Variants in CASP4 observed in about 807,000 individuals in gnomAD.
The protein encoded by CASP4 is caspase 4.
In CASP4, 29 loss-of-function variants were observed where a neutral mutation model predicts 41.3. The observed-to-expected ratio is 0.70, with a 90% CI of 0.52 to 0.96. The LOEUF is 0.96. Among genes scored for constraint, CASP4 ranks in the 40% least tolerant of loss-of-function variants. CASP4 has a pLI of 0.00. For synonymous variants in CASP4, 185 were observed against 158.4 expected (o/e 1.17, Z -1.26); for missense variants, 447 against 460.6 (o/e 0.97, Z 0.27).
chr11:104,945,732 C>G (rs1180247747), intron 7 of CASP4, among the ~76,000 whole-genome samples: 1 of 152,164 alleles, frequency 6.6e-6, no homozygotes, highest in African/African-American at 2.4e-5. Context: ...TCCCACTTAT[C>G]CAAGAAGATT....
chr11:104,964,309 C>T, intron 1 of CASP4, among the ~76,000 whole-genome samples: 1 of 152,154 alleles, frequency 6.6e-6, no homozygotes, highest in East Asian at 1.9e-4. Context: ...TCATGAAGAG[C>T]TGATGTCTTA....
chr11:104,952,704 T>C (rs1277598843), intron 2 of CASP4, among the ~76,000 whole-genome samples: 2 of 152,098 alleles, frequency 1.3e-5, no homozygotes, highest in Non-Finnish European at 2.9e-5. Flanking sequence ...TTTTAGCAAC[T>C]TTACTGTTAA....
chr11:104,944,989 T>C, intron 7 of CASP4, 138 bp from the exon 8 acceptor site: 1 of 647,658 alleles, frequency 1.5e-6, no homozygotes, highest in South Asian at 1.8e-5. Flanking sequence ...GCATTCTAAC[T>C]CCTCAACATT....
intron 5 of CASP4, chr11:104,949,273 A>C (rs1462011636): frequency 2.8e-5 from 13 of 467,510 alleles, no homozygotes; most frequent in Non-Finnish European, 4.2e-5. Context: ...TCCATTCCAA[A>C]GTTTGAGTAT....
At chr11:104,943,332 A>G in intron 8 of CASP4, 1 of 230,404 alleles carries the variant, frequency 4.3e-6, no homozygotes, top group South Asian at 5.9e-5. Context: ...GTCTCATTGC[A>G]GTTCTTTAAA....
chr11:104,948,039 A>C (rs948263475), intron 6 of CASP4: 3 of 152,054 alleles, frequency 2.0e-5, no homozygotes, highest in African/African-American at 4.8e-5. Context: ...AATCAAAAAC[A>C]GTTAAATGTA....
In CASP4 at chr11:104,950,797, T is replaced by TAC. The variant is rs34213327; in HGVS notation, c.546+126_546+127dup. On this transcript the variant is annotated intron_variant, in intron 4 of 8. Transcript: ENST00000444739. ...ACCAGTCTAGTACTCTTATTTTGTA[T>TAC]ACACACACACACACACACACACACA... is the stretch of plus-strand genomic sequence containing the variant. 6.3e-3 allele frequency: 2,907 copies of TAC among 462,942 alleles called. 8 individuals are homozygous for TAC. The highest frequency in any genetic ancestry group is 0.011 in the South Asian group (274 of 24,930). 28.7% of individuals were successfully genotyped at this position (462,942 alleles called of 1,614,324 possible).
At chr11:104,952,927 A>G (rs1248611892) in intron 2 of CASP4, among the ~76,000 whole-genome samples, 1 of 152,206 alleles carries the variant, frequency 6.6e-6, no homozygotes, top group African/African-American at 2.4e-5. Context: ...ATGTGAAGAC[A>G]TGCTGGATCC....
chr11:104,956,674 A>G (rs1384998135), intron 1 of CASP4: 1 of 984,244 alleles, frequency 1.0e-6, no homozygotes, highest in Non-Finnish European at 1.2e-6. Flanking sequence ...GTGCATTCCA[A>G]CAGGTGAGAT....
rs1317512756 is a variant in CASP4, at chr11:104,951,581, A to G, written c.372+315T>C. The G allele has an allele frequency of 7.6e-6, 3 of 394,390 alleles. No homozygotes were observed. In the East Asian group the frequency reaches 1.6e-4, roughly 21 times the overall value. The allele number at this position is 394,390 out of a possible 1,614,324, so 24.4% of individuals were successfully genotyped here. A position where few individuals can be genotyped will look rare whatever the true frequency, so the allele number is the denominator to read the frequency against. Reference sequence around the variant, plus strand: ...GAGTGCAACCAATTACAAGTCAGCTATATTATCCTCCAAATATGTTTATTC... The same window carrying G: ...GAGTGCAACCAATTACAAGTCAGCTGTATTATCCTCCAAATATGTTTATTC... On this transcript the variant is annotated intron_variant, in intron 3 of 8. Coordinates refer to ENST00000444739, the MANE Select transcript of CASP4 (RefSeq NM_001225.4).
intron 1 of CASP4, among the ~76,000 whole-genome samples, chr11:104,959,172 T>C (rs1591133398): frequency 6.6e-6 from 1 of 152,014 alleles, no homozygotes; most frequent in Non-Finnish European, 1.5e-5. Flanking sequence ...AGCCAAGATA[T>C]AAAATCAACC....
intron 4 of CASP4, 74 bp downstream of exon 4, chr11:104,950,851 C>A: frequency 7.1e-7 from 1 of 1,406,230 alleles, no homozygotes; most frequent in Non-Finnish European, 9.8e-7. Context: ...TTGTTGAGCT[C>A]TTTGAAGCTA....
chr11:104,943,238 T>C, intron 8 of CASP4: 1 of 282,108 alleles, frequency 3.5e-6, no homozygotes, highest in Non-Finnish European at 7.0e-6. Context: ...TGTGATAACA[T>C]AGAACCACGC....
In CASP4 at chr11:104,949,623, A is replaced by T; in HGVS notation, c.701T>A (p.Ile234Asn). 1.2e-6 allele frequency: 2 copies of T among 1,613,986 alleles called. No homozygotes were observed. Among genetic ancestry groups the T allele is most frequent in the Non-Finnish European group, 1.7e-6 (2 of 1,179,906 alleles). ...GTTGCGGTTGTTGAATATCTGGAAG[A>T]TGGTGTCATAAAGCAGCACATCTGG... Reference protein sequence around the residue: ...KKPDVLLYDTIFQIFNNRNCL... With the variant: ...KKPDVLLYDTNFQIFNNRNCL... The change falls in exon 5 of 9, where the codon ATC becomes AAC. Residue 234 changes from isoleucine (I) to asparagine (N), a missense_variant. By Grantham distance (149) the Ile-to-Asn change is moderately radical. Coordinates refer to ENST00000444739, the MANE Select transcript of CASP4 (RefSeq NM_001225.4).
chr11:104,958,000 A>T, intron 1 of CASP4, among the ~76,000 whole-genome samples: 1 of 152,194 alleles, frequency 6.6e-6, no homozygotes. Flanking sequence ...TATTTACATT[A>T]ATTTGACTTT....
chr11:104,948,444 A>G (rs1860516306), intron 6 of CASP4, 89 bp downstream of exon 6: 1 of 1,273,054 alleles, frequency 7.9e-7, no homozygotes, highest in Non-Finnish European at 1.1e-6. Context: ...CTATCAGATC[A>G]TTGTTTCATA....
At chr11:104,961,514 C>A (rs569017898) in intron 1 of CASP4, among the ~76,000 whole-genome samples, 3 of 152,290 alleles carry the variant, frequency 2.0e-5, no homozygotes, top group African/African-American at 7.2e-5. Context: ...TGCAGGGTGT[C>A]TGTAGCCCCA....
intron 5 of CASP4, 164 bp downstream of exon 5, chr11:104,949,379 C>T (rs977119635): frequency 8.4e-6 from 6 of 716,464 alleles, no homozygotes; most frequent in African/African-American, 1.8e-5. Flanking sequence ...TTTGATGAGA[C>T]AATTTCTTGT....
At chr11:104,968,269 TC>T in intron 1 of CASP4, among the ~76,000 whole-genome samples, 1 of 152,328 alleles carries the variant, frequency 6.6e-6, no homozygotes, top group Non-Finnish European at 1.5e-5. Flanking sequence ...TTCTTTACCC[TC>T]CCTTTGATTA....
Sources: allele counts gnomAD v4.1 joint callset (sites outside exome capture counted in the v4.1 genomes callset), GRCh38; gene constraint gnomAD v4.1.1; transcripts MANE v1.5; gene names NCBI Gene and HGNC (gene_info 2026-07-23, HGNC 2026-07-21).